OR8B4: variants seen among roughly 807,000 people sequenced by gnomAD.
OR8B4 encodes the protein olfactory receptor family 8 subfamily B member 4.
In OR8B4, 3 loss-of-function variants were observed where a neutral mutation model predicts 1.3. That is an observed-to-expected ratio of 2.37 (90% CI 1.08 to 6.13). OR8B4 has a LOEUF of 6.13. OR8B4 is among the 30% of genes most tolerant of loss of function. The pLI is 0.02. For synonymous variants in OR8B4, 139 were observed against 144.2 expected (o/e 0.96, Z 0.26); for missense variants, 360 against 368.9 (o/e 0.98, Z 0.20).
At position 124,424,323 on chromosome 11, in the gene OR8B4, G is replaced by C. The variant is rs771688571; in HGVS notation, c.549C>G (p.Leu183=). 2.5e-6 allele frequency: 4 copies of C among 1,613,954 alleles called. No homozygotes were observed. The highest frequency in any genetic ancestry group is 3.3e-5 in the Admixed American group (2 of 59,984). ...GGGTGCTGGTGCAGGAGAGCTGCAAGAGGGGGAGAACGTCACACAGATAAT... is the reference window on the plus strand; with the variant it reads ...GGGTGCTGGTGCAGGAGAGCTGCAACAGGGGGAGAACGTCACACAGATAAT... The part of the protein sequence containing the change: ...IDHYLCDVLP[L]LQLSCTSTHV... The change falls in exon 1 of 1, where the codon CTC becomes CTG. Residue 183 remains leucine (L), a synonymous_variant. Coordinates refer to ENST00000356130, the MANE Select transcript of OR8B4 (RefSeq NM_001005196.1).
chr11:124,424,485 C>CA lies in OR8B4; in HGVS notation c.386dup (p.Leu130AlafsTer40). 1 of 1,614,092 alleles carries CA rather than the reference C, an allele frequency of 6.2e-7. No homozygotes were observed. On this transcript the variant is annotated frameshift_variant, in exon 1 of 1. Coordinates refer to ENST00000356130, the MANE Select transcript of OR8B4 (RefSeq NM_001005196.1). LOFTEE classifies it low-confidence loss of function (END_TRUNC). ...TTGGGGACATGGTGACCATGTAGAG[C>CA]AGGGGGTTGCAGATGGCCACATAGC...
chr11:124,424,235 T>C lies in OR8B4; in HGVS notation c.637A>G (p.Ile213Val), dbSNP rs1403275975. The C allele has an allele frequency of 1.2e-6, 2 of 1,614,072 alleles. No individual in the cohort carries two copies. Among genetic ancestry groups the C allele is most frequent in the African/African-American group, 2.7e-5 (2 of 74,940 alleles). ...AGTATCAAAGCGTAAGAGATGACGA[T>C]GCTTATGCTGGATAGCATGGTGATT... is the stretch of plus-strand genomic sequence containing the variant. ...GVITMLSSIS[I>V]VISYALILSN... The change falls in exon 1 of 1, where the codon ATC becomes GTC. Residue 213 changes from isoleucine (I) to valine (V), a missense_variant. Physicochemically the swap from Ile to Val is conservative, Grantham distance 29 (BLOSUM62 3). Coordinates refer to ENST00000356130, the MANE Select transcript of OR8B4 (RefSeq NM_001005196.1).
chr11:124,424,282 A>G lies in OR8B4; in HGVS notation c.590T>C (p.Val197Ala). Residue 197 changes from valine (V) to alanine (A), a missense_variant, in exon 1 of 1, where the codon GTA (valine) becomes GCA (alanine). Val to Ala is a moderately conservative substitution (Grantham distance 64, BLOSUM62 0). Coordinates refer to ENST00000356130, the MANE Select transcript of OR8B4 (RefSeq NM_001005196.1). ...GATTACTCCAACAACAATGAAAAAT[A>G]CCAGCTCACTGACATGGGTGCTGGT... ...SCTSTHVSELVFFIVVGVITM... is the reference protein window; with the variant it reads ...SCTSTHVSELAFFIVVGVITM... 7 of 1,614,124 alleles carry G rather than the reference A, an allele frequency of 4.3e-6. No individual in the cohort carries two copies. Among genetic ancestry groups the G allele is most frequent in the African/African-American group, 1.3e-5 (1 of 75,054 alleles).
chr11:124,424,510 C>T lies in OR8B4; in HGVS notation c.362G>A (p.Arg121His), dbSNP rs751193342. The change falls in exon 1 of 1, where the codon CGC becomes CAC. Residue 121 changes from arginine to histidine, a missense_variant. By Grantham distance (29) the Arg-to-His change is conservative. Coordinates refer to ENST00000356130, the MANE Select transcript of OR8B4 (RefSeq NM_001005196.1). Reference protein sequence around the residue: ...CYVLVSMAYDRYVAICNPLLY... With the variant: ...CYVLVSMAYDHYVAICNPLLY... ...CAGGGGGTTGCAGATGGCCACATAG[C>T]GATCATAGGCCATTGATACCAACAC... 50 of 1,613,838 alleles carry T rather than the reference C, an allele frequency of 3.1e-5. No homozygotes were observed. The highest frequency in any genetic ancestry group is 4.0e-5 in the African/African-American group (3 of 74,846).
In OR8B4 at chr11:124,424,049, CTGA is replaced by C; in HGVS notation, c.820_822del (p.Ser274del). The C allele has an allele frequency of 3.1e-6, 5 of 1,614,136 alleles. No homozygotes were observed. Among genetic ancestry groups the C allele is most frequent in the Non-Finnish European group, 4.2e-6 (5 of 1,180,006 alleles). ...ATGGGAACCACATTGGTGTAAAAGACTGAGGCAAATCTGCCATGGTTCATAGAG... is the reference window on the plus strand; with the variant it reads ...ATGGGAACCACATTGGTGTAAAAGACGGCAAATCTGCCATGGTTCATAGAG... On this transcript the variant is annotated inframe_deletion, in exon 1 of 1. Coordinates refer to ENST00000356130, the MANE Select transcript of OR8B4 (RefSeq NM_001005196.1).
Position 124,424,227 on chromosome 11 carries a change from G to A in OR8B4, c.645C>T (p.Ile215=), listed in dbSNP as rs1565358382. 1 of 1,614,214 alleles carries A rather than the reference G, an allele frequency of 6.2e-7. No individual in the cohort carries two copies. Among genetic ancestry groups the A allele is most frequent in the East Asian group, 2.2e-5 (1 of 44,884 alleles). The change falls in exon 1 of 1, where the codon ATC becomes ATT. Residue 215 remains isoleucine (I), a synonymous_variant. Transcript: ENST00000356130. The stretch of plus-strand genomic sequence containing the variant: ...TGTTGGAGAGTATCAAAGCGTAAGA[G>A]ATGACGATGCTTATGCTGGATAGCA... The part of the protein sequence containing the change: ...ITMLSSISIV[I]SYALILSNIL...
At position 124,424,651 on chromosome 11, in the gene OR8B4, G is replaced by A. The variant is rs2134228807; in HGVS notation, c.221C>T (p.Ser74Phe). ...FNLSFIDLCY[S>F]CVFTPKMLND... ...CAGCATTTTGGGGGTAAACACACAG[G>A]AATAACAGAGATCTATAAAGGACAA... is the stretch of plus-strand genomic sequence containing the variant. The change falls in exon 1 of 1, where the codon TCC becomes TTC. Residue 74 changes from serine (S) to phenylalanine (F), a missense_variant. Ser to Phe is a radical substitution (Grantham distance 155). Transcript: ENST00000356130. 1 of 1,613,970 alleles carries A rather than the reference G, an allele frequency of 6.2e-7. No homozygotes were observed. The highest frequency in any genetic ancestry group is 8.5e-7 in the Non-Finnish European group (1 of 1,179,882).
rs755159774 is a variant in OR8B4, at chr11:124,424,494, G to C, written c.378C>G (p.Cys126Trp). Reference protein sequence around the residue: ...SMAYDRYVAICNPLLYMVTMS... With the variant: ...SMAYDRYVAIWNPLLYMVTMS... ...TGGTGACCATGTAGAGCAGGGGGTT[G>C]CAGATGGCCACATAGCGATCATAGG... is the stretch of plus-strand genomic sequence containing the variant. Residue 126 changes from cysteine (C) to tryptophan (W), a missense_variant, in exon 1 of 1, where the codon TGC (cysteine) becomes TGG (tryptophan). Physicochemically the swap from Cys to Trp is radical, Grantham distance 215 (BLOSUM62 -2). Coordinates refer to ENST00000356130, the MANE Select transcript of OR8B4 (RefSeq NM_001005196.1). The C allele has an allele frequency of 8.7e-6, 14 of 1,614,006 alleles. No individual in the cohort carries two copies. Among genetic ancestry groups the C allele is most frequent in the Admixed American group, 1.7e-5 (1 of 59,996 alleles).
In OR8B4 at chr11:124,424,088, A is replaced by T. The variant is rs1565358317; in HGVS notation, c.784T>A (p.Ser262Thr). Residue 262 changes from serine (S) to threonine (T), a missense_variant, in exon 1 of 1, where the codon TCT (serine) becomes ACT (threonine). Physicochemically the swap from Ser to Thr is moderately conservative, Grantham distance 58. Coordinates refer to ENST00000356130, the MANE Select transcript of OR8B4 (RefSeq NM_001005196.1). The stretch of plus-strand genomic sequence containing the variant: ...CCATGGTTCATAGAGCCAGGAAAAG[A>T]TGTTGTTAAGTAGGTGAATGTCCCT... ...GSGTFTYLTT[S>T]FPGSMNHGRF... The T allele has an allele frequency of 1.9e-6, 3 of 1,614,210 alleles. No individual in the cohort carries two copies. The highest frequency in any genetic ancestry group is 3.3e-5 in the Admixed American group (2 of 60,024).
chr11:124,424,402 G>A lies in OR8B4; in HGVS notation c.470C>T (p.Ala157Val). Residue 157 changes from alanine to valine, a missense_variant, in exon 1 of 1, where the codon GCC becomes GTC. Ala to Val is a moderately conservative substitution (Grantham distance 64). Coordinates refer to ENST00000356130, the MANE Select transcript of OR8B4 (RefSeq NM_001005196.1). ...SYVVGFAGAMAHTGSMLRLTF... is the reference protein window; with the variant it reads ...SYVVGFAGAMVHTGSMLRLTF... Reference sequence around the variant, plus strand: ...CAGTCGCAGCATGCTTCCAGTGTGGGCCATGGCCCCAGCAAACCCTACCAC... The same window carrying A: ...CAGTCGCAGCATGCTTCCAGTGTGGACCATGGCCCCAGCAAACCCTACCAC... 1 of 1,614,036 alleles carries A rather than the reference G, an allele frequency of 6.2e-7. No homozygotes were observed. The highest frequency in any genetic ancestry group is 8.5e-7 in the Non-Finnish European group (1 of 1,179,990).
In OR8B4 at chr11:124,424,784, G is replaced by A; in HGVS notation, c.88C>T (p.Leu30=). Residue 30 remains leucine, a synonymous_variant, in exon 1 of 1, where the codon CTA becomes TTA. Transcript: ENST00000356130. The stretch of plus-strand genomic sequence containing the variant: ...GTGAACACATAGATCCCTAAGAATA[G>A]AAGGAAAAGAGGGAGCTGGAGCTCT... ...QPELQLPLFL[L]FLGIYVFTVV... is the part of the protein sequence containing the mutation. 6.2e-7 allele frequency: 1 copy of A among 1,613,746 alleles called. No homozygotes were observed. Among genetic ancestry groups the A allele is most frequent in the African/African-American group, 1.3e-5 (1 of 75,016 alleles).
chr11:124,424,180 T>C lies in OR8B4; in HGVS notation c.692A>G (p.Glu231Gly). 1 of 1,614,204 alleles carries C rather than the reference T, an allele frequency of 6.2e-7. No homozygotes were observed. Among genetic ancestry groups the C allele is most frequent in the Non-Finnish European group, 8.5e-7 (1 of 1,180,030 alleles). ...LSNILCIPSA[E>G]GRSKAFSTWG... ...TGTGCTAAAGGCTTTGGATCTGCCC[T>C]CTGCAGAAGGAATACAGAGGATGTT... Residue 231 changes from glutamate to glycine, a missense_variant, in exon 1 of 1, where the codon GAG (glutamate) becomes GGG (glycine). By Grantham distance (98) the Glu-to-Gly change is moderately conservative. Coordinates refer to ENST00000356130, the MANE Select transcript of OR8B4 (RefSeq NM_001005196.1).
In OR8B4 at chr11:124,423,977, C is replaced by A. The variant is rs1861284713; in HGVS notation, c.895G>T (p.Ala299Ser). The A allele has an allele frequency of 1.9e-6, 3 of 1,614,090 alleles. No individual in the cohort carries two copies. Among genetic ancestry groups the A allele is most frequent in the East Asian group, 4.5e-5 (2 of 44,878 alleles). ...YSLRNKDDKL[A>S]LGKTLKRVLF Reference sequence around the variant, plus strand: ...ACTCTCTTCAGGGTTTTGCCCAGGGCAAGTTTATCATCCTTATTCCTCAAA... The same window carrying A: ...ACTCTCTTCAGGGTTTTGCCCAGGGAAAGTTTATCATCCTTATTCCTCAAA... The change falls in exon 1 of 1, where the codon GCC becomes TCC. Residue 299 changes from alanine to serine, a missense_variant. Coordinates refer to ENST00000356130, the MANE Select transcript of OR8B4 (RefSeq NM_001005196.1).
In OR8B4 at chr11:124,424,270, A is replaced by C. The variant is rs965112759; in HGVS notation, c.602T>G (p.Val201Gly). ...THVSELVFFIVVGVITMLSSI... is the reference protein window; with the variant it reads ...THVSELVFFIGVGVITMLSSI... ...GGATAGCATGGTGATTACTCCAACA[A>C]CAATGAAAAATACCAGCTCACTGAC... Residue 201 changes from valine (V) to glycine (G), a missense_variant, in exon 1 of 1, where the codon GTT becomes GGT. Coordinates refer to ENST00000356130, the MANE Select transcript of OR8B4 (RefSeq NM_001005196.1). 2 of 1,614,056 alleles carry C rather than the reference A, an allele frequency of 1.2e-6. No individual in the cohort carries two copies. Among genetic ancestry groups the C allele is most frequent in the African/African-American group, 2.7e-5 (2 of 74,942 alleles).
rs1011205577 is a variant in OR8B4, at chr11:124,424,016, G to T, written c.856C>A (p.Pro286Thr). Residue 286 changes from proline to threonine, a missense_variant, in exon 1 of 1, where the codon CCT becomes ACT. Coordinates refer to ENST00000356130, the MANE Select transcript of OR8B4 (RefSeq NM_001005196.1). ...FYTNVVPMLNPSIYSLRNKDD... is the reference protein window; with the variant it reads ...FYTNVVPMLNTSIYSLRNKDD... ...TTATTCCTCAAACTGTAGATCGAAG[G>T]GTTAAGCATGGGAACCACATTGGTG... 6.2e-7 allele frequency: 1 copy of T among 1,614,150 alleles called. No individual in the cohort carries two copies. Among genetic ancestry groups the T allele is most frequent in the Non-Finnish European group, 8.5e-7 (1 of 1,180,010 alleles).
chr11:124,424,638 G>A lies in OR8B4; in HGVS notation c.234C>T (p.Thr78=). Residue 78 remains threonine (T), a synonymous_variant, in exon 1 of 1, where the codon ACC becomes ACT. Transcript: ENST00000356130. ...FIDLCYSCVF[T]PKMLNDFVSE... is the part of the protein sequence containing the mutation. ...AAACAAAGTCATTCAGCATTTTGGGGGTAAACACACAGGAATAACAGAGAT... is the reference window on the plus strand; with the variant it reads ...AAACAAAGTCATTCAGCATTTTGGGAGTAAACACACAGGAATAACAGAGAT... 2 of 1,613,980 alleles carry A rather than the reference G, an allele frequency of 1.2e-6. No individual in the cohort carries two copies. The highest frequency in any genetic ancestry group is 2.2e-5 in the East Asian group (1 of 44,876).
Position 124,424,171 on chromosome 11 carries a change from G to A in OR8B4, c.701C>T (p.Ser234Phe). 1 of 1,614,168 alleles carries A rather than the reference G, an allele frequency of 6.2e-7. No homozygotes were observed. The highest frequency in any genetic ancestry group is 8.5e-7 in the Non-Finnish European group (1 of 1,180,012). Residue 234 changes from serine (S) to phenylalanine (F), a missense_variant, in exon 1 of 1, where the codon TCC (serine) becomes TTC (phenylalanine). Coordinates refer to ENST00000356130, the MANE Select transcript of OR8B4 (RefSeq NM_001005196.1). ...GGAGCCCCATGTGCTAAAGGCTTTG[G>A]ATCTGCCCTCTGCAGAAGGAATACA... ...ILCIPSAEGR[S>F]KAFSTWGSHI...
chr11:124,424,550 T>G lies in OR8B4; in HGVS notation c.322A>C (p.Asn108His). 2 of 1,613,942 alleles carry G rather than the reference T, an allele frequency of 1.2e-6. No homozygotes were observed. The highest frequency in any genetic ancestry group is 1.7e-6 in the Non-Finnish European group (2 of 1,179,972). The change falls in exon 1 of 1, where the codon AAT (asparagine) becomes CAT (histidine). Residue 108 changes from asparagine (N) to histidine (H), a missense_variant. Physicochemically the swap from Asn to His is moderately conservative, Grantham distance 68. Coordinates refer to ENST00000356130, the MANE Select transcript of OR8B4 (RefSeq NM_001005196.1). ...GATACCAACACATAGCACTCAGAAT[T>G]GACAAAGAAACAGAAGAAAAATAGC... ...TQLFFFCFFV[N>H]SECYVLVSMA...
In OR8B4 at chr11:124,424,829, C is replaced by T. The variant is rs755130803; in HGVS notation, c.43G>A (p.Val15Met). The T allele has an allele frequency of 8.1e-6, 13 of 1,613,690 alleles. No individual in the cohort carries two copies. The Middle Eastern group carries it at 6.6e-4, about 82-fold the overall frequency. The change falls in exon 1 of 1, where the codon GTG (valine) becomes ATG (methionine). Residue 15 changes from valine to methionine, a missense_variant. Physicochemically the swap from Val to Met is conservative, Grantham distance 21. Transcript: ENST00000356130. ...AGCTCTGGCTGTTCTGATAATCCCA[C>T]AAGGATAAACTCAGTCACTGAGGAG... ...NSSSVTEFIL[V>M]GLSEQPELQL...
Sources: gnomAD v4.1 joint callset for allele counts on GRCh38, gnomAD v4.1.1 for gene constraint, MANE v1.5 for transcripts, NCBI Gene and HGNC (gene_info 2026-07-23, HGNC 2026-07-21) for gene names.